ARL15: variants seen among roughly 807,000 people sequenced by gnomAD.
ARL15 encodes ARF like GTPase 15, also known as ADP-ribosylation factor-like protein 15.
A neutral mutation model predicts 25.2 loss-of-function variants in ARL15; 19 were observed. The observed-to-expected ratio is 0.75, with a 90% confidence interval of 0.53 to 1.10. ARL15 has a LOEUF of 1.10. Among genes scored for constraint, ARL15 ranks in the 50% least tolerant of loss-of-function variants. ARL15 has a pLI of 0.00. For synonymous variants in ARL15, 94 were observed against 86.8 expected, an observed-to-expected ratio of 1.08 and a Z score of -0.46; for missense variants, 220 against 246.0, an observed-to-expected ratio of 0.89 and a Z score of 0.71.
intron 4 of ARL15, among the ~76,000 whole-genome samples, chr5:53,946,169 A>T (rs2112100127): frequency 6.6e-6 from 1 of 152,302 alleles, no homozygotes; most frequent in South Asian, 2.1e-4. Context: ...AAATGACATA[A>T]TAGGCTGCGC....
At chr5:54,209,824 C>T (rs62372182) in intron 1 of ARL15, among the ~76,000 whole-genome samples, 2,732 of 152,162 alleles carry the variant, frequency 0.018, 35 homozygotes, top group Non-Finnish European at 0.025. Context: ...AACTGACAGC[C>T]TTTCTTATTT....
chr5:54,077,160 C>A (rs890361272), intron 4 of ARL15, among the ~76,000 whole-genome samples: 2 of 152,096 alleles, frequency 1.3e-5, no homozygotes, highest in African/African-American at 4.8e-5. Flanking sequence ...CAAACTCTGA[C>A]CTCCTTTTGG....
intron 4 of ARL15, among the ~76,000 whole-genome samples, chr5:53,940,132 C>T (rs1003932269): frequency 1.3e-5 from 2 of 151,976 alleles, no homozygotes; most frequent in Middle Eastern, 3.2e-3. Flanking sequence ...GTGCCTGCCA[C>T]GGCTAATTTT....
At chr5:54,206,475 A>G (rs1755871501) in intron 1 of ARL15, among the ~76,000 whole-genome samples, 1 of 152,206 alleles carries the variant, frequency 6.6e-6, no homozygotes, top group African/African-American at 2.4e-5. Flanking sequence ...GTGCCTCTTA[A>G]AAGTTTACCA....
chr5:54,084,915 G>A (rs13189862), intron 4 of ARL15, among the ~76,000 whole-genome samples: 2,613 of 152,292 alleles, frequency 0.017, 27 homozygotes, highest in Middle Eastern at 0.027. Context: ...TTGGGCGGGA[G>A]AGGCCATATT....
At chr5:53,898,654 C>T (rs888820372) in intron 4 of ARL15, among the ~76,000 whole-genome samples, 3 of 151,502 alleles carry the variant, frequency 2.0e-5, no homozygotes, top group African/African-American at 7.3e-5. Flanking sequence ...CACCCGCTGC[C>T]CCCCCTACCC....
At chr5:53,998,863 C>T (rs935733419) in intron 4 of ARL15, among the ~76,000 whole-genome samples, 2 of 152,082 alleles carry the variant, frequency 1.3e-5, no homozygotes, top group African/African-American at 4.8e-5. Flanking sequence ...GCAACACCAA[C>T]CAAAAGAGGG....
chr5:53,922,292 A>G (rs1007522905), intron 4 of ARL15, among the ~76,000 whole-genome samples: 4 of 152,216 alleles, frequency 2.6e-5, no homozygotes, highest in Non-Finnish European at 5.9e-5. Flanking sequence ...TAACGAGGAT[A>G]CAAACAAGAT....
rs151166861 is a variant in ARL15 at position 54,175,737 on chromosome 5, C to T, written c.49-3809G>A. Among the ~76,000 whole-genome samples, 981 of 151,742 alleles carry T rather than the reference C, an allele frequency of 6.5e-3. 9 individuals are homozygous for T. Among genetic ancestry groups the T allele is most frequent in the African/African-American group, 0.023 (945 of 41,302 alleles). ...GTGCAATCTCCACTCACTGCAACCTCCAAATCCCAGGCTCAAGCAATCCTC... is the reference window on the plus strand; with the variant it reads ...GTGCAATCTCCACTCACTGCAACCTTCAAATCCCAGGCTCAAGCAATCCTC... On this transcript the variant is annotated intron_variant, in intron 1 of 4. Coordinates refer to ENST00000504924, the MANE Select transcript of ARL15 (RefSeq NM_019087.3).
intron 4 of ARL15, among the ~76,000 whole-genome samples, chr5:53,935,739 G>A (rs1466734422): frequency 6.6e-6 from 1 of 152,106 alleles, no homozygotes; most frequent in Non-Finnish European, 1.5e-5. Context: ...AATCTCTGAG[G>A]TTTGTTTTTT....
intron 1 of ARL15, among the ~76,000 whole-genome samples, chr5:54,265,491 C>T (rs1321724886): frequency 6.6e-6 from 1 of 152,142 alleles, no homozygotes; most frequent in African/African-American, 2.4e-5. Flanking sequence ...TAAGGTTCAG[C>T]CGATGGTAAC....
intron 4 of ARL15, among the ~76,000 whole-genome samples, chr5:54,027,963 C>T (rs562289281): frequency 6.6e-6 from 1 of 151,914 alleles, no homozygotes; most frequent in Non-Finnish European, 1.5e-5. Flanking sequence ...GTCACCCAGG[C>T]TGGAGTGCAG....
At chr5:54,154,453 T>C in intron 3 of ARL15, 127 bp downstream of exon 3, 1 of 632,890 alleles carries the variant, frequency 1.6e-6, no homozygotes, top group Non-Finnish European at 2.7e-6. Flanking sequence ...CTAGGAAATA[T>C]ATTATCAAGA....
At chr5:53,903,122 C>T (rs942896716) in intron 4 of ARL15, among the ~76,000 whole-genome samples, 7 of 152,040 alleles carry the variant, frequency 4.6e-5, no homozygotes, top group African/African-American at 1.4e-4. Flanking sequence ...CCAAAAAATC[C>T]CACACAGGAC....
chr5:54,216,427 G>A lies in ARL15; in HGVS notation c.49-44499C>T, dbSNP rs182588882. ...CTTGGCTGGCTTATATTGTCTATCA[G>A]TATCTGATGGAAGAACATAACTAAC... On this transcript the variant is annotated intron_variant, in intron 1 of 4. Coordinates refer to ENST00000504924, the MANE Select transcript of ARL15 (RefSeq NM_019087.3). Among the ~76,000 whole-genome samples the A allele has an allele frequency of 3.3e-5, 5 of 152,202 alleles. No individual in the cohort carries two copies. The East Asian group carries it at 9.6e-4, about 29-fold the overall frequency.
At chr5:53,929,943 C>G (rs1746148980) in intron 4 of ARL15, among the ~76,000 whole-genome samples, 1 of 152,024 alleles carries the variant, frequency 6.6e-6, no homozygotes, top group Non-Finnish European at 1.5e-5. Flanking sequence ...TACTTATGCT[C>G]TGTTCTTAGG....
intron 4 of ARL15, among the ~76,000 whole-genome samples, chr5:53,948,776 A>T (rs1190906083): frequency 6.6e-6 from 1 of 152,222 alleles, no homozygotes; most frequent in Admixed American, 6.5e-5. Context: ...TCAGAACAAG[A>T]GTCACAATTG....
chr5:54,263,567 A>C (rs537932903), intron 1 of ARL15, among the ~76,000 whole-genome samples: 1 of 152,146 alleles, frequency 6.6e-6, no homozygotes, highest in Non-Finnish European at 1.5e-5. Flanking sequence ...TTCCACGAAG[A>C]AAGGAAACAG....
intron 1 of ARL15, among the ~76,000 whole-genome samples, chr5:54,281,296 C>T (rs745827181): frequency 2.2e-4 from 33 of 152,056 alleles, no homozygotes; most frequent in East Asian, 7.7e-4. Flanking sequence ...CCCGCCACCA[C>T]GCCCAGCTAA....
Sources: allele counts gnomAD v4.1 joint callset (sites outside exome capture counted in the v4.1 genomes callset), GRCh38; gene constraint gnomAD v4.1.1; transcripts MANE v1.5; gene names NCBI Gene and HGNC (gene_info 2026-07-23, HGNC 2026-07-21).